Variants in ITGA4 observed in about 807,000 individuals in gnomAD.
ITGA4 encodes the protein integrin alpha-4.
A neutral mutation model predicts 133.6 loss-of-function variants in ITGA4; 63 were observed. That is an observed-to-expected ratio of 0.47 (90% CI 0.38 to 0.58). ITGA4 has a LOEUF of 0.58. ITGA4 is among the 20% of genes least tolerant of loss of function. The pLI is 0.00. For synonymous variants in ITGA4, 483 were observed against 438.0 expected (o/e 1.10, Z -1.28); for missense variants, 1,076 against 1,252.7 (o/e 0.86, Z 2.13).
intron 15 of ITGA4, among the ~76,000 whole-genome samples, chr2:181,499,094 T>C (rs1574398338): frequency 6.6e-6 from 1 of 152,178 alleles, no homozygotes; most frequent in East Asian, 1.9e-4. Flanking sequence ...CTTCAGTAGC[T>C]CAACTGAGCC....
chr2:181,501,770 T>C (rs1476698968), intron 15 of ITGA4, among the ~76,000 whole-genome samples: 1 of 152,114 alleles, frequency 6.6e-6, no homozygotes, highest in Non-Finnish European at 1.5e-5. Context: ...GGAGAACACC[T>C]TTTGAGTGGA....
intron 4 of ITGA4, chr2:181,476,087 T>C: frequency 2.6e-6 from 1 of 384,440 alleles, no homozygotes; most frequent in Non-Finnish European, 4.6e-6. Context: ...AAGACTTTGG[T>C]CTTTCTTCCT....
chr2:181,467,225 T>TA (rs3835963), intron 2 of ITGA4, among the ~76,000 whole-genome samples: 84,915 of 149,522 alleles, frequency 0.57, 24,210 homozygotes, highest in South Asian at 0.61. Context: ...AGCTTCAGCT[T>TA]AAAAAAAAAA....
chr2:181,488,066 A>G (rs760341048), intron 10 of ITGA4, among the ~76,000 whole-genome samples: 5 of 152,262 alleles, frequency 3.3e-5, no homozygotes, highest in Non-Finnish European at 5.9e-5. Flanking sequence ...TGTGAAAAGT[A>G]TATGTATGTA....
At chr2:181,460,233 G>A (rs1685235988) in intron 2 of ITGA4, among the ~76,000 whole-genome samples, 1 of 152,178 alleles carries the variant, frequency 6.6e-6, no homozygotes, top group Non-Finnish European at 1.5e-5. Context: ...AAGATTCCTA[G>A]TCAGTCAATG....
chr2:181,488,632 C>T (rs1230476909), intron 10 of ITGA4, among the ~76,000 whole-genome samples: 1 of 151,792 alleles, frequency 6.6e-6, no homozygotes, highest in Non-Finnish European at 1.5e-5. Context: ...GATCTGGGCT[C>T]ACTGCAAGCT....
At chr2:181,464,089 C>A (rs1685354218) in intron 2 of ITGA4, among the ~76,000 whole-genome samples, 1 of 151,446 alleles carries the variant, frequency 6.6e-6, no homozygotes, top group Admixed American at 6.6e-5. Context: ...AGAAAAGAGG[C>A]TGAAAAAAAG....
intron 14 of ITGA4, among the ~76,000 whole-genome samples, chr2:181,497,884 T>G (rs962228011): frequency 2.0e-5 from 3 of 151,982 alleles, no homozygotes; most frequent in African/African-American, 7.2e-5. Context: ...TCCTTTTTTT[T>G]TTCTTTCAAA....
Position 181,457,859 on chromosome 2 carries a change from G to A in ITGA4, c.197+8G>A, listed in dbSNP as rs201473977. The stretch of plus-strand genomic sequence containing the variant: ...CCACGGGGCGAACCGATGGTGAGTA[G>A]AGTTGGACTGATGCGCCCTCAGCAG... On this transcript the variant is annotated splice_region_variant and intron_variant, in intron 1 of 27. Coordinates refer to ENST00000397033, the MANE Select transcript of ITGA4 (RefSeq NM_000885.6). The A allele has an allele frequency of 2.5e-6, 4 of 1,604,502 alleles. No individual in the cohort carries two copies. The highest frequency in any genetic ancestry group is 1.7e-4 in the Middle Eastern group (1 of 6,032).
chr2:181,533,952 A>T (rs770958971), intron 25 of ITGA4, among the ~76,000 whole-genome samples: 38 of 152,326 alleles, frequency 2.5e-4, no homozygotes, highest in Non-Finnish European at 4.7e-4. Flanking sequence ...TAAAAAGCCC[A>T]AATAAGATAG....
At chr2:181,504,166 A>G (rs1175400110) in intron 15 of ITGA4, among the ~76,000 whole-genome samples, 1 of 152,088 alleles carries the variant, frequency 6.6e-6, no homozygotes, top group East Asian at 1.9e-4. Context: ...TTGCTGAACA[A>G]AGAATGCCTG....
chr2:181,496,167 A>G (rs1383738000), intron 14 of ITGA4, among the ~76,000 whole-genome samples: 3 of 152,210 alleles, frequency 2.0e-5, no homozygotes, highest in African/African-American at 7.2e-5. Context: ...ATGAGAAGCA[A>G]AGGACATAGT....
Position 181,522,754 on chromosome 2 carries a change from C to T in ITGA4, c.2073+413C>T, listed in dbSNP as rs559148867. 3.3e-5 allele frequency among the ~76,000 whole-genome samples: 5 copies of T among 152,238 alleles called. No individual in the cohort carries two copies. In the East Asian group the frequency reaches 5.8e-4, roughly 18 times the overall value. On this transcript the variant is annotated intron_variant, in intron 18 of 27. Coordinates refer to ENST00000397033, the MANE Select transcript of ITGA4 (RefSeq NM_000885.6). The stretch of plus-strand genomic sequence containing the variant: ...AATTTTCTCTATTCTTTATCAAATT[C>T]GCTCATCTTTTGTCCAGGGACCACA...
At chr2:181,513,606 A>G (rs181869480) in intron 17 of ITGA4, among the ~76,000 whole-genome samples, 14 of 152,148 alleles carry the variant, frequency 9.2e-5, no homozygotes, top group African/African-American at 2.9e-4. Context: ...CATTATTAAC[A>G]TACACATGTG....
intron 10 of ITGA4, among the ~76,000 whole-genome samples, chr2:181,492,053 A>G (rs968572385): frequency 6.6e-6 from 1 of 152,186 alleles, no homozygotes; most frequent in African/African-American, 2.4e-5. Context: ...TTATTAGTCT[A>G]TTCTTACTTG....
intron 4 of ITGA4, chr2:181,475,992 A>G (rs1001770356): frequency 1.8e-6 from 2 of 1,102,266 alleles, no homozygotes; most frequent in African/African-American, 3.3e-5. Context: ...CCCTCACTCA[A>G]AAAAAATCCC....
At position 181,493,404 on chromosome 2, in the gene ITGA4, G is replaced by T. The variant is rs368002151; in HGVS notation, c.1233G>T (p.Ser411=). The T allele has an allele frequency of 2.5e-6, 4 of 1,606,480 alleles. No homozygotes were observed. The South Asian group carries it at 3.3e-5, about 13-fold the overall frequency. The change falls in exon 11 of 28, where the codon TCG becomes TCT. Residue 411 remains serine, a synonymous_variant. Coordinates refer to ENST00000397033, the MANE Select transcript of ITGA4 (RefSeq NM_000885.6). ...ACAATGGCCGTGCAGATGGGATCTC[G>T]TCAACCTTCTCACAGGTAAGGTACT... ...YIYNGRADGI[S]STFSQRIEGL...
chr2:181,535,343 G>T, intron 27 of ITGA4, 89 bp from the exon 28 acceptor site: 2 of 967,290 alleles, frequency 2.1e-6, no homozygotes, highest in African/African-American at 3.3e-5. Context: ...AGAAATATTG[G>T]TGTTAACTGC....
chr2:181,531,871 C>A, intron 25 of ITGA4, 95 bp downstream of exon 25: 3 of 802,372 alleles, frequency 3.7e-6, no homozygotes, highest in Non-Finnish European at 1.9e-6. Flanking sequence ...AGGCATTCAA[C>A]AAATTAAATT....
Sources: gnomAD v4.1 joint callset for allele counts (sites outside exome capture counted in the v4.1 genomes callset) on GRCh38, gnomAD v4.1.1 for gene constraint, MANE v1.5 for transcripts, NCBI Gene and HGNC (gene_info 2026-07-23, HGNC 2026-07-21) for gene names.